Variants in DCC observed in about 807,000 individuals in gnomAD.
The protein encoded by DCC is netrin receptor DCC.
In DCC, 58 loss-of-function variants were observed where a neutral mutation model predicts 172.5. The observed-to-expected ratio is 0.34, with a 90% CI of 0.27 to 0.42. DCC has a LOEUF of 0.42. DCC is among the 10% of genes least tolerant of loss of function. The pLI is 1.00. For synonymous variants in DCC, 709 were observed against 644.5 expected, an observed-to-expected ratio of 1.10 and a Z score of -1.52; for missense variants, 1,740 against 1,791.0, an observed-to-expected ratio of 0.97 and a Z score of 0.51.
intron 1 of DCC, among the ~76,000 whole-genome samples, chr18:52,541,907 A>ATT (rs1364464433): frequency 6.9e-6 from 1 of 145,550 alleles, no homozygotes; most frequent in Non-Finnish European, 1.5e-5. Flanking sequence ...GTGTATATAT[A>ATT]TATGTACACA....
intron 2 of DCC, among the ~76,000 whole-genome samples, chr18:52,810,825 T>TG (rs1160465735): frequency 6.6e-6 from 1 of 152,168 alleles, no homozygotes; most frequent in Admixed American, 6.5e-5. Flanking sequence ...ACTTGTAACT[T>TG]GGCTTTCAGG....
chr18:53,442,845 T>C (rs554750777), intron 22 of DCC, among the ~76,000 whole-genome samples: 1 of 152,308 alleles, frequency 6.6e-6, no homozygotes, highest in South Asian at 2.1e-4. Flanking sequence ...GGATAAAAGA[T>C]AAAACCAGCG....
At chr18:52,836,861 T>C (rs940918980) in intron 2 of DCC, among the ~76,000 whole-genome samples, 1 of 152,220 alleles carries the variant, frequency 6.6e-6, no homozygotes, top group Non-Finnish European at 1.5e-5. Flanking sequence ...TTCCCTTCTA[T>C]ACTGCCCTAG....
intron 1 of DCC, among the ~76,000 whole-genome samples, chr18:52,741,788 C>T (rs889255579): frequency 1.3e-5 from 2 of 152,128 alleles, no homozygotes; most frequent in Admixed American, 6.5e-5. Context: ...TCACACCTGC[C>T]TGGGTGCCTT....
At chr18:53,384,750 TCTA>T (rs1207735633) in intron 15 of DCC, among the ~76,000 whole-genome samples, 1 of 152,104 alleles carries the variant, frequency 6.6e-6, no homozygotes, top group Non-Finnish European at 1.5e-5. Context: ...GGTGTTTTCT[TCTA>T]CTTTTTATCC....
rs977842329 is a variant in DCC, at chr18:52,871,490, C to T, written c.413-34554C>T. Among the ~76,000 whole-genome samples, 3 of 152,118 alleles carry T rather than the reference C, an allele frequency of 2.0e-5. No individual in the cohort carries two copies. In the East Asian group the frequency reaches 5.8e-4, roughly 29 times the overall value. ...TTTTTCCTTTAGAGATGGAATCTCACTTTTGTTTTGCTTCCCAGGCTGGAG... is the reference window on the plus strand; with the variant it reads ...TTTTTCCTTTAGAGATGGAATCTCATTTTTGTTTTGCTTCCCAGGCTGGAG... On this transcript the variant is annotated intron_variant, in intron 2 of 28. Transcript: ENST00000442544.
chr18:53,272,106 A>G (rs1208866232), intron 12 of DCC, among the ~76,000 whole-genome samples: 1 of 152,138 alleles, frequency 6.6e-6, no homozygotes, highest in Non-Finnish European at 1.5e-5. Context: ...GTATTTTGGC[A>G]GAACTGAGTA....
chr18:52,426,320 G>A (rs1195238851), intron 1 of DCC, among the ~76,000 whole-genome samples: 1 of 140,554 alleles, frequency 7.1e-6, no homozygotes, highest in East Asian at 2.1e-4. Flanking sequence ...TTTTGGCATC[G>A]CTTACTCCAA....
intron 5 of DCC, among the ~76,000 whole-genome samples, chr18:53,000,646 C>CA (rs1229710589): frequency 1.1e-4 from 15 of 131,936 alleles, no homozygotes; most frequent in African/African-American, 4.3e-4. Flanking sequence ...AAGTCAGGGA[C>CA]AGGAACTCAG....
intron 22 of DCC, among the ~76,000 whole-genome samples, chr18:53,438,825 G>A (rs544804336): frequency 6.6e-6 from 1 of 152,180 alleles, no homozygotes; most frequent in Non-Finnish European, 1.5e-5. Flanking sequence ...AAGATTCCTA[G>A]TGAGAAAACT....
At chr18:52,904,776 C>T (rs1309513746) in intron 2 of DCC, among the ~76,000 whole-genome samples, 1 of 152,080 alleles carries the variant, frequency 6.6e-6, no homozygotes, top group Non-Finnish European at 1.5e-5. Context: ...TTTATTGTGA[C>T]ATGTGCATAA....
intron 15 of DCC, among the ~76,000 whole-genome samples, chr18:53,365,865 T>C (rs1009286008): frequency 6.6e-6 from 1 of 152,184 alleles, no homozygotes; most frequent in African/African-American, 2.4e-5. Context: ...CAACAAATCC[T>C]TTGCTGACAA....
intron 1 of DCC, among the ~76,000 whole-genome samples, chr18:52,574,051 C>T (rs954713882): frequency 6.6e-6 from 1 of 152,158 alleles, no homozygotes; most frequent in Admixed American, 6.5e-5. Context: ...ATTGCCTCCA[C>T]CTCATCTTTT....
chr18:52,747,707 G>T (rs898014017), intron 1 of DCC, among the ~76,000 whole-genome samples: 1 of 152,166 alleles, frequency 6.6e-6, no homozygotes, highest in African/African-American at 2.4e-5. Flanking sequence ...ATCCTTGGAT[G>T]AAGTCATTTT....
chr18:52,684,408 G>T lies in DCC; in HGVS notation c.92-67646G>T, dbSNP rs191328043. Among the ~76,000 whole-genome samples the T allele has an allele frequency of 3.3e-5, 5 of 150,322 alleles. No homozygotes were observed. The East Asian group carries it at 9.8e-4, about 29-fold the overall frequency. On this transcript the variant is annotated intron_variant, in intron 1 of 28. Coordinates refer to ENST00000442544, the MANE Select transcript of DCC (RefSeq NM_005215.4). ...CTTGTTTTTTTTTTTCTGAATAGTT[G>T]CTTCCATTAATCTCACTCTAGGTAA...
intron 23 of DCC, among the ~76,000 whole-genome samples, chr18:53,457,240 T>C (rs1439937903): frequency 6.6e-6 from 1 of 152,184 alleles, no homozygotes; most frequent in East Asian, 1.9e-4. Context: ...AAAAAGGTTC[T>C]GCCAGGTTTG....
At chr18:52,676,270 C>T (rs2035645206) in intron 1 of DCC, among the ~76,000 whole-genome samples, 1 of 152,076 alleles carries the variant, frequency 6.6e-6, no homozygotes, top group African/African-American at 2.4e-5. Context: ...AGTGGTAGTA[C>T]CTCATAGGGT....
intron 5 of DCC, among the ~76,000 whole-genome samples, chr18:53,019,594 T>A (rs1430168902): frequency 1.3e-5 from 2 of 152,144 alleles, no homozygotes; most frequent in Admixed American, 6.5e-5. Flanking sequence ...TTTCATAAAA[T>A]ATTAAATCTA....
intron 2 of DCC, among the ~76,000 whole-genome samples, chr18:52,811,267 C>T (rs1221126703): frequency 6.6e-6 from 1 of 152,034 alleles, no homozygotes; most frequent in Non-Finnish European, 1.5e-5. Flanking sequence ...TATATGATAC[C>T]CTTTTTCTTA....
Sources: allele counts gnomAD v4.1 joint callset (sites outside exome capture counted in the v4.1 genomes callset), GRCh38; gene constraint gnomAD v4.1.1; transcripts MANE v1.5; gene names NCBI Gene and HGNC (gene_info 2026-07-23, HGNC 2026-07-21).